The following EPB41L4B variants were observed in gnomAD, a reference collection of about 807,000 sequenced individuals.
EPB41L4B encodes the protein band 4.1-like protein 4B.
Under a neutral mutation model 112.5 loss-of-function variants are expected in EPB41L4B, and 30 were observed. That is an observed-to-expected ratio of 0.27 (90% CI 0.20 to 0.36). EPB41L4B has a LOEUF of 0.36. Among genes scored for constraint, EPB41L4B ranks in the 10% least tolerant of loss-of-function variants. The probability of loss-of-function intolerance (pLI) is 1.00; values close to 1 mark genes in which losing one functional copy is unlikely to be tolerated. For synonymous variants in EPB41L4B, 408 were observed against 439.7 expected (o/e 0.93, Z 0.90); for missense variants, 1,024 against 1,133.3 (o/e 0.90, Z 1.38).
intron 24 of EPB41L4B, among the ~76,000 whole-genome samples, chr9:109,182,315 ACAT>A (rs1832093249): frequency 6.6e-6 from 1 of 152,256 alleles, no homozygotes; most frequent in Non-Finnish European, 1.5e-5. Flanking sequence ...ACAAAAGGTC[ACAT>A]ATGATACAAT....
intron 17 of EPB41L4B, among the ~76,000 whole-genome samples, chr9:109,211,367 T>C (rs1833159989): frequency 6.6e-6 from 1 of 151,720 alleles, no homozygotes; most frequent in South Asian, 2.1e-4. Flanking sequence ...GGCTGCGGAG[T>C]GTGGATCACT....
chr9:109,257,448 A>G (rs1170213956), intron 7 of EPB41L4B, among the ~76,000 whole-genome samples: 1 of 152,188 alleles, frequency 6.6e-6, no homozygotes, highest in Non-Finnish European at 1.5e-5. Flanking sequence ...ACTTCCTGAA[A>G]TGTAACACTG....
chr9:109,296,442 T>G (rs1468067999), intron 1 of EPB41L4B, among the ~76,000 whole-genome samples: 1 of 152,258 alleles, frequency 6.6e-6, no homozygotes, highest in South Asian at 2.1e-4. Flanking sequence ...CAGGCTAAGT[T>G]TGATGTCCAG....
At chr9:109,204,134 C>T (rs1050820885) in intron 18 of EPB41L4B, among the ~76,000 whole-genome samples, 2 of 152,358 alleles carry the variant, frequency 1.3e-5, no homozygotes, top group African/African-American at 2.4e-5. Flanking sequence ...AATTTGGAAT[C>T]TGTCCTTTCA....
At chr9:109,252,735 G>A (rs113493200) in intron 12 of EPB41L4B, among the ~76,000 whole-genome samples, 1,594 of 152,300 alleles carry the variant, frequency 0.01, 31 homozygotes, top group African/African-American at 0.036. Flanking sequence ...CAAACACTGA[G>A]TACAAACTGG....
At chr9:109,248,429 A>C (rs1192844234) in intron 13 of EPB41L4B, among the ~76,000 whole-genome samples, 1 of 152,228 alleles carries the variant, frequency 6.6e-6, no homozygotes, top group African/African-American at 2.4e-5. Flanking sequence ...AGATAAAGGA[A>C]CAGTTGCCTA....
chr9:109,261,049 C>A (rs979400811), intron 6 of EPB41L4B, among the ~76,000 whole-genome samples: 1 of 152,200 alleles, frequency 6.6e-6, no homozygotes, highest in African/African-American at 2.4e-5. Context: ...GGCTGTCAAG[C>A]CTGATGGTGT....
rs12351644 is a variant in EPB41L4B at position 109,262,972 on chromosome 9, G to C, written c.631+78C>G. On this transcript the variant is annotated intron_variant, in intron 6 of 25. Transcript: ENST00000374566. ...ATCCCCAAAGCTAAGCACTGGGCCT[G>C]GTATACTGTGGACACTCATTTGTTG... is the stretch of plus-strand genomic sequence containing the variant. 2.7e-3 allele frequency: 2,660 copies of C among 997,360 alleles called. 52 individuals are homozygous for C. The African/African-American group carries it at 0.038, about 14-fold the overall frequency. The allele number at this position is 997,360 out of a possible 1,614,324, so 61.8% of individuals were successfully genotyped here.
chr9:109,204,871 A>T (rs1832943532), intron 18 of EPB41L4B, among the ~76,000 whole-genome samples: 1 of 152,106 alleles, frequency 6.6e-6, no homozygotes, highest in South Asian at 2.1e-4. Flanking sequence ...TTATACTCTC[A>T]CTATGCACTG....
At chr9:109,302,923 T>C (rs189707701) in intron 1 of EPB41L4B, among the ~76,000 whole-genome samples, 1 of 151,380 alleles carries the variant, frequency 6.6e-6, no homozygotes, top group East Asian at 1.9e-4. Context: ...TTATCACAAT[T>C]AAAAAAAAGA....
At chr9:109,179,736 G>A (rs1324826977) in intron 24 of EPB41L4B, among the ~76,000 whole-genome samples, 2 of 152,074 alleles carry the variant, frequency 1.3e-5, no homozygotes, top group East Asian at 3.9e-4. Flanking sequence ...CCCTCTCTCT[G>A]CCTCATCTAA....
At chr9:109,221,899 G>A (rs1361049104) in intron 15 of EPB41L4B, among the ~76,000 whole-genome samples, 1 of 152,190 alleles carries the variant, frequency 6.6e-6, no homozygotes, top group Non-Finnish European at 1.5e-5. Flanking sequence ...AACTCCAATT[G>A]ATTTGCACTC....
chr9:109,270,872 A>G (rs1244334499), intron 2 of EPB41L4B, among the ~76,000 whole-genome samples: 1 of 152,194 alleles, frequency 6.6e-6, no homozygotes, highest in African/African-American at 2.4e-5. Flanking sequence ...GAACTTCGAA[A>G]AAGTCAAAAT....
intron 6 of EPB41L4B, among the ~76,000 whole-genome samples, chr9:109,260,697 G>C (rs1835169771): frequency 6.6e-6 from 1 of 152,164 alleles, no homozygotes; most frequent in South Asian, 2.1e-4. Flanking sequence ...TTACAGGGGT[G>C]AGCCATCGCG....
chr9:109,255,993 C>T, intron 9 of EPB41L4B, 143 bp downstream of exon 9: 3 of 1,151,708 alleles, frequency 2.6e-6, no homozygotes, highest in Non-Finnish European at 2.5e-6. Context: ...TTCAGCGCAA[C>T]TGCCACAGAC....
intron 20 of EPB41L4B, among the ~76,000 whole-genome samples, chr9:109,195,321 G>A (rs561949714): frequency 2.6e-4 from 40 of 152,320 alleles, no homozygotes; most frequent in African/African-American, 8.4e-4. Flanking sequence ...AGCCCAGCAC[G>A]GGGCCACGTG....
At chr9:109,177,686 G>A (rs934083391) in intron 24 of EPB41L4B, among the ~76,000 whole-genome samples, 3 of 151,958 alleles carry the variant, frequency 2.0e-5, no homozygotes, top group Non-Finnish European at 2.9e-5. Flanking sequence ...AGCCGGGCAC[G>A]CTGGCGCACG....
At chr9:109,314,562 T>C (rs964846737) in intron 1 of EPB41L4B, among the ~76,000 whole-genome samples, 1 of 151,120 alleles carries the variant, frequency 6.6e-6, no homozygotes, top group South Asian at 2.1e-4. Flanking sequence ...CCAGCAAGTA[T>C]AGAAGGGGAG....
intron 4 of EPB41L4B, among the ~76,000 whole-genome samples, chr9:109,265,655 T>C (rs1835376662): frequency 1.3e-5 from 2 of 152,026 alleles, no homozygotes; most frequent in South Asian, 4.2e-4. Flanking sequence ...ATAACACGCA[T>C]GGGGTTTACT....
Sources: allele counts gnomAD v4.1 joint callset (sites outside exome capture counted in the v4.1 genomes callset), GRCh38; gene constraint gnomAD v4.1.1; transcripts MANE v1.5; gene names NCBI Gene and HGNC (gene_info 2026-07-23, HGNC 2026-07-21).